The following CCDC3 variants were observed in gnomAD, a reference collection of about 807,000 sequenced individuals.
CCDC3 encodes the protein coiled-coil domain-containing protein 3.
In CCDC3, 24 loss-of-function variants were observed where a neutral mutation model predicts 21.4. The ratio of observed to expected loss-of-function variants is 1.12; its 90% CI spans 0.81 to 1.58. CCDC3 has a LOEUF of 1.58. Among genes scored for constraint, CCDC3 ranks in the 40% most tolerant of loss-of-function variants. The pLI is 0.00. For synonymous variants in CCDC3, 186 were observed against 166.0 expected, an observed-to-expected ratio of 1.12 and a Z score of -0.93; for missense variants, 425 against 360.9, an observed-to-expected ratio of 1.18 and a Z score of -1.44.
Position 13,001,411 on chromosome 10 carries a change from C to A in CCDC3, c.160G>T (p.Glu54Ter). 6.4e-7 allele frequency: 1 copy of A among 1,555,288 alleles called. No individual in the cohort carries two copies. Among genetic ancestry groups the A allele is most frequent in the Non-Finnish European group, 8.7e-7 (1 of 1,150,658 alleles). The change falls in exon 1 of 3, where the codon GAG becomes TAG. Residue 54 changes from glutamate to a stop codon, truncating the protein, a stop_gained. Coordinates refer to ENST00000378825, the MANE Select transcript of CCDC3 (RefSeq NM_031455.4). LOFTEE classifies it high-confidence loss of function. ...AGGTGGTTGTAGAGGCCGGGCGCCT[C>A]GGGGTGCAGCGCCAGCACCCTGGCG... ...VYARVLALHP[E>*]APGLYNHLPW...
At chr10:12,930,347 A>T (rs1055391069) in intron 2 of CCDC3, among the ~76,000 whole-genome samples, 2 of 152,206 alleles carry the variant, frequency 1.3e-5, no homozygotes, top group South Asian at 4.1e-4. Context: ...ATATAATCAG[A>T]TATTATTTTG....
At chr10:13,004,538 T>C (rs1338254589), upstream of CCDC3, among the ~76,000 whole-genome samples, 1 of 151,290 alleles carries the variant, frequency 6.6e-6, no homozygotes, top group Non-Finnish European at 1.5e-5. Context: ...ATGTGTCTAT[T>C]TCAGTGAGGA....
At chr10:13,015,807 T>G (rs1282326675) in intron 5 of CCDC3, among the ~76,000 whole-genome samples, 1 of 151,964 alleles carries the variant, frequency 6.6e-6, no homozygotes, top group Non-Finnish European at 1.5e-5. Flanking sequence ...TAGGAGAGCC[T>G]AGGTTCGGTG....
intron 3 of CCDC3, among the ~76,000 whole-genome samples, chr10:13,097,421 C>T (rs1418018815): frequency 6.6e-6 from 1 of 152,142 alleles, no homozygotes; most frequent in African/African-American, 2.4e-5. Context: ...GGTCCAGAGG[C>T]CTTATCTAAA....
intron 4 of CCDC3, among the ~76,000 whole-genome samples, chr10:13,068,028 G>T (rs1836842691): frequency 6.6e-6 from 1 of 152,154 alleles, no homozygotes; most frequent in African/African-American, 2.4e-5. Flanking sequence ...ATGTATGCAT[G>T]AGAGGCCCTA....
intron 2 of CCDC3, among the ~76,000 whole-genome samples, chr10:12,989,773 C>T (rs1482488986): frequency 6.6e-6 from 1 of 152,120 alleles, no homozygotes; most frequent in African/African-American, 2.4e-5. Context: ...CGGAATACTA[C>T]TAAGATGTTA....
chr10:12,937,992 T>TCCTCCAAATTCCCCTC (rs137968071), intron 2 of CCDC3, among the ~76,000 whole-genome samples: 23,292 of 151,964 alleles, frequency 0.15, 2,252 homozygotes, highest in African/African-American at 0.28. Context: ...CAACCCAGCA[T>TCCTCCAAATTCCCCTC]CCTCCAAAAT....
intron 4 of CCDC3, among the ~76,000 whole-genome samples, chr10:13,060,692 A>C (rs1261796995): frequency 1.3e-5 from 2 of 152,080 alleles, no homozygotes; most frequent in South Asian, 2.1e-4. Context: ...TTTTGTAGAG[A>C]CAGGGGTCTT....
At chr10:13,044,399 A>G (rs1191026957) in intron 5 of CCDC3, among the ~76,000 whole-genome samples, 1 of 152,126 alleles carries the variant, frequency 6.6e-6, no homozygotes, top group Non-Finnish European at 1.5e-5. Context: ...ATTGCTTTTG[A>G]GGACTTTGTC....
intron 2 of CCDC3, among the ~76,000 whole-genome samples, chr10:12,986,698 G>A (rs181945260): frequency 0.019 from 2,914 of 151,824 alleles, 29 homozygotes; most frequent in Middle Eastern, 0.048. Context: ...GGCGTGACGC[G>A]GGAGGCGGAG....
At chr10:13,044,349 T>A (rs557412836) in intron 5 of CCDC3, among the ~76,000 whole-genome samples, 17 of 152,368 alleles carry the variant, frequency 1.1e-4, no homozygotes, top group Admixed American at 3.9e-4. Context: ...GCAGAAGCCC[T>A]TTAATTGGAT....
chr10:12,917,143 G>A (rs1375288054), intron 2 of CCDC3, among the ~76,000 whole-genome samples: 1 of 150,572 alleles, frequency 6.6e-6, no homozygotes, highest in Non-Finnish European at 1.5e-5. Context: ...GCCCGGGGTT[G>A]GGGGAGGTGA....
At chr10:13,065,873 G>T (rs1458056920) in intron 4 of CCDC3, among the ~76,000 whole-genome samples, 1 of 152,228 alleles carries the variant, frequency 6.6e-6, no homozygotes, top group Middle Eastern at 3.4e-3. Flanking sequence ...ACATTACCAA[G>T]TCCACATCAC....
At position 12,953,942 on chromosome 10, in the gene CCDC3, C is replaced by G. The variant is rs78707346; in HGVS notation, c.549+44396G>C. Among the ~76,000 whole-genome samples the G allele has an allele frequency of 3.1e-3, 474 of 152,300 alleles. 14 individuals are homozygous for G. The East Asian group carries it at 0.057, about 18-fold the overall frequency. On this transcript the variant is annotated intron_variant, in intron 2 of 2. Transcript: ENST00000378825. The stretch of plus-strand genomic sequence containing the variant: ...ACTACTCAACCATGACTCTGTAGCA[C>G]AAAGGCAGCCACTGACAAGGACAAT...
At chr10:13,090,036 T>G (rs1262650271) in intron 3 of CCDC3, among the ~76,000 whole-genome samples, 6 of 1,848 alleles carry the variant, frequency 3.2e-3, no homozygotes, top group African/African-American at 3.5e-3. Context: ...TTCCGTTAGA[T>G]ATATATATAT....
chr10:12,898,697 G>C lies in CCDC3; in HGVS notation c.550-18C>G. The C allele has an allele frequency of 1.2e-6, 2 of 1,612,550 alleles. No individual in the cohort carries two copies. The highest frequency in any genetic ancestry group is 1.7e-6 in the Non-Finnish European group (2 of 1,178,806). ...CACATGAGCTGGAGGCAGAGACAGC[G>C]TGCAAGGAGAGGAGGTGAGTCCCAG... On this transcript the variant is annotated intron_variant, in intron 2 of 2. Transcript: ENST00000378825.
At chr10:13,029,389 G>C (rs1292553287) in intron 5 of CCDC3, among the ~76,000 whole-genome samples, 2 of 152,170 alleles carry the variant, frequency 1.3e-5, no homozygotes, top group Non-Finnish European at 2.9e-5. Flanking sequence ...GGAGAAACCA[G>C]AGCAGAAAAG....
chr10:13,024,208 G>C (rs1251570536), intron 5 of CCDC3, among the ~76,000 whole-genome samples: 2 of 151,608 alleles, frequency 1.3e-5, no homozygotes, highest in Non-Finnish European at 2.9e-5. Flanking sequence ...TTTTCATTTT[G>C]AGCTATCTCT....
At chr10:12,938,204 G>T (rs1330357632) in intron 2 of CCDC3, among the ~76,000 whole-genome samples, 1 of 152,122 alleles carries the variant, frequency 6.6e-6, no homozygotes, top group Non-Finnish European at 1.5e-5. Flanking sequence ...CACCCACAGA[G>T]AGGAATGCTT....
Sources: gnomAD v4.1 joint callset for allele counts (sites outside exome capture counted in the v4.1 genomes callset) on GRCh38, gnomAD v4.1.1 for gene constraint, MANE v1.5 for transcripts, NCBI Gene and HGNC (gene_info 2026-07-23, HGNC 2026-07-21) for gene names.